The following FECH variants were observed in gnomAD, a reference collection of about 807,000 sequenced individuals.
The protein encoded by FECH is ferrochelatase, mitochondrial.
FECH carries 40 observed loss-of-function variants against 56.9 expected under a neutral mutation model. That is an observed-to-expected ratio of 0.70 (90% CI 0.55 to 0.92). The LOEUF is 0.92. Ranked by LOEUF, FECH falls within the 40% of genes least tolerant of loss-of-function variation. FECH has a pLI of 0.00. For missense variants in FECH, 431 were observed against 529.1 expected (o/e 0.81, Z 1.82); for synonymous variants, 175 against 198.6 (o/e 0.88, Z 1.00).
intron 1 of FECH, among the ~76,000 whole-genome samples, chr18:57,584,436 G>A (rs1167901639): frequency 6.6e-6 from 1 of 151,110 alleles, no homozygotes; most frequent in African/African-American, 2.4e-5. Flanking sequence ...CCTAAGTTAT[G>A]ACTTCATGTT....
chr18:57,558,080 A>C (rs1394023517), intron 7 of FECH, among the ~76,000 whole-genome samples: 3 of 152,230 alleles, frequency 2.0e-5, no homozygotes, highest in Admixed American at 2.0e-4. Flanking sequence ...AGGGGGCGGT[A>C]AGGCCCAGTT....
At chr18:57,584,363 T>A (rs918934259) in intron 1 of FECH, among the ~76,000 whole-genome samples, 2 of 146,736 alleles carry the variant, frequency 1.4e-5, no homozygotes, top group Middle Eastern at 3.3e-3. Flanking sequence ...AAAACAAACT[T>A]CATAATTCCT....
chr18:57,569,795 G>A (rs1001616095), intron 4 of FECH, among the ~76,000 whole-genome samples: 4 of 151,696 alleles, frequency 2.6e-5, no homozygotes, highest in African/African-American at 2.4e-5. Flanking sequence ...CTCTTCCCAC[G>A]AGAGACAGCA....
chr18:57,565,489 C>T (rs1411673394), intron 5 of FECH, among the ~76,000 whole-genome samples: 1 of 151,776 alleles, frequency 6.6e-6, no homozygotes, highest in African/African-American at 2.4e-5. Flanking sequence ...GCCTGCAATC[C>T]CAGCTACTCA....
chr18:57,571,341 A>C, intron 4 of FECH, 51 bp downstream of exon 4: 1 of 1,587,718 alleles, frequency 6.3e-7, no homozygotes, highest in Non-Finnish European at 8.6e-7. Context: ...GAATTTCATA[A>C]CTACTTCGAA....
chr18:57,553,164 TAGCCA>T (rs1397731783), intron 9 of FECH, among the ~76,000 whole-genome samples: 1 of 149,676 alleles, frequency 6.7e-6, no homozygotes, highest in Non-Finnish European at 1.5e-5. Context: ...AGTTCACAAT[TAGCCA>T]AGCTCATAGT....
In FECH at chr18:57,554,377, T is replaced by G; in HGVS notation, c.960A>C (p.Lys320Asn). Residue 320 changes from lysine to asparagine, a missense_variant, in exon 9 of 11, where the codon AAA (lysine) becomes AAC (asparagine). Physicochemically the swap from Lys to Asn is moderately conservative, Grantham distance 94. Coordinates refer to ENST00000262093, the MANE Select transcript of FECH (RefSeq NM_000140.5). ...TCTTCCTCCCCCTCTCACAAAGCCC[T>G]TTGATAGATTCGTCTGTTTGAGGAC... ...WLGPQTDESI[K>N]GLCERGRKNI... is the part of the protein sequence containing the mutation. 6.2e-7 allele frequency: 1 copy of G among 1,614,206 alleles called. No homozygotes were observed. The highest frequency in any genetic ancestry group is 8.5e-7 in the Non-Finnish European group (1 of 1,180,024).
intron 4 of FECH, among the ~76,000 whole-genome samples, chr18:57,569,265 C>T (rs1315022123): frequency 6.6e-6 from 1 of 152,214 alleles, no homozygotes; most frequent in Non-Finnish European, 1.5e-5. Flanking sequence ...AATGTAACTA[C>T]ATGAAACCAT....
chr18:57,568,628 G>C (rs568870715), intron 4 of FECH, among the ~76,000 whole-genome samples: 3 of 152,230 alleles, frequency 2.0e-5, no homozygotes, highest in Non-Finnish European at 4.4e-5. Flanking sequence ...TGGCCAGAGT[G>C]AGCCCAAAAC....
intron 4 of FECH, among the ~76,000 whole-genome samples, chr18:57,568,465 T>G (rs527463270): frequency 2.0e-5 from 3 of 152,344 alleles, no homozygotes; most frequent in Non-Finnish European, 4.4e-5. Context: ...ACTCTCCAAC[T>G]GGGCATATCC....
At chr18:57,562,140 A>G (rs577335331) in intron 6 of FECH, among the ~76,000 whole-genome samples, 7 of 152,348 alleles carry the variant, frequency 4.6e-5, no homozygotes, top group South Asian at 4.1e-4. Flanking sequence ...GATCAAATCT[A>G]AATGACTTAA....
chr18:57,570,527 T>A (rs926364310), intron 4 of FECH, among the ~76,000 whole-genome samples: 1 of 152,218 alleles, frequency 6.6e-6, no homozygotes, highest in Non-Finnish European at 1.5e-5. Context: ...TCCTGCCTAG[T>A]GGAGCTGTTC....
intron 6 of FECH, among the ~76,000 whole-genome samples, chr18:57,562,077 G>A (rs559094140): frequency 6.6e-6 from 1 of 152,298 alleles, no homozygotes; most frequent in East Asian, 1.9e-4. Context: ...GAAGTTGTTA[G>A]TAGGGTTTTT....
At chr18:57,559,349 C>A (rs567024228) in intron 6 of FECH, 106 bp from the exon 7 acceptor site, 2 of 811,848 alleles carry the variant, frequency 2.5e-6, no homozygotes, top group South Asian at 2.9e-5. Flanking sequence ...CTCAGAGCAA[C>A]CCTCAAAAAT....
intron 1 of FECH, 101 bp from the exon 2 acceptor site, chr18:57,580,300 T>G: frequency 7.0e-7 from 1 of 1,434,672 alleles, no homozygotes. Flanking sequence ...TTTAAAGAGA[T>G]CCCATGGCAG....
chr18:57,580,241 A>G lies in FECH; in HGVS notation c.68-42T>C, dbSNP rs750209608. 12 of 1,613,322 alleles carry G rather than the reference A, an allele frequency of 7.4e-6. No homozygotes were observed. The Admixed American group carries it at 2.0e-4, about 27-fold the overall frequency. On this transcript the variant is annotated intron_variant, in intron 1 of 10. Transcript: ENST00000262093. ...GTGCTCGCATGAAATCTAGCTAGAAAGTAATTTCTTCTGAAGAGGTCCTCA... is the reference window on the plus strand; with the variant it reads ...GTGCTCGCATGAAATCTAGCTAGAAGGTAATTTCTTCTGAAGAGGTCCTCA...
At chr18:57,552,802 T>A (rs1253819134) in intron 9 of FECH, among the ~76,000 whole-genome samples, 1 of 152,240 alleles carries the variant, frequency 6.6e-6, no homozygotes, top group African/African-American at 2.4e-5. Flanking sequence ...GAGGCTGTAT[T>A]CTCAAACTTC....
intron 2 of FECH, among the ~76,000 whole-genome samples, chr18:57,578,313 T>A (rs1410681981): frequency 1.3e-5 from 2 of 152,164 alleles, no homozygotes; most frequent in Non-Finnish European, 2.9e-5. Context: ...TACACAGCAC[T>A]CAGTCATCAT....
intron 5 of FECH, among the ~76,000 whole-genome samples, chr18:57,564,837 C>T (rs1345123323): frequency 6.6e-6 from 1 of 152,164 alleles, no homozygotes; most frequent in African/African-American, 2.4e-5. Context: ...TGGAAACATT[C>T]AACAAACAAC....
Sources: allele counts gnomAD v4.1 joint callset (sites outside exome capture counted in the v4.1 genomes callset), GRCh38; gene constraint gnomAD v4.1.1; transcripts MANE v1.5; gene names NCBI Gene and HGNC (gene_info 2026-07-23, HGNC 2026-07-21).